The following PACS1 variants were observed in gnomAD, a reference collection of about 807,000 sequenced individuals.
PACS1 encodes the protein PACS-1.
In PACS1, 24 loss-of-function variants were observed where a neutral mutation model predicts 115.0. The ratio of observed to expected loss-of-function variants is 0.21; its 90% confidence interval spans 0.15 to 0.29. PACS1 has a LOEUF of 0.29. PACS1 is among the 10% of genes least tolerant of loss of function. The probability of loss-of-function intolerance (pLI) is 1.00; values close to 1 mark genes in which losing one functional copy is unlikely to be tolerated. For missense variants in PACS1, 838 were observed against 1,251.2 expected, an observed-to-expected ratio of 0.67 and a Z score of 4.98; for synonymous variants, 453 against 504.5, an observed-to-expected ratio of 0.90 and a Z score of 1.37.
In PACS1 at chr11:66,070,879, C is replaced by CG; in HGVS notation, c.356+41dup. The CG allele has an allele frequency of 7.1e-7, 1 of 1,403,464 alleles. No individual in the cohort carries two copies. Among genetic ancestry groups the CG allele is most frequent in the Non-Finnish European group, 9.2e-7 (1 of 1,089,066 alleles). 86.9% of individuals were successfully genotyped at this position (1,403,464 alleles called of 1,614,324 possible). ...AGGGTGCGGCGGGGCGCCGGGGGAGCGGGGTGGCCGCCGGGGCCCAGCCCT... is the reference window on the plus strand; with the variant it reads ...AGGGTGCGGCGGGGCGCCGGGGGAGCGGGGGTGGCCGCCGGGGCCCAGCCCT... On this transcript the variant is annotated intron_variant, in intron 1 of 23. Transcript: ENST00000320580. This position sits in a 1 kb window ranked among gnomAD's most constrained non-coding sequence, Gnocchi z 5.9.
chr11:66,130,006 T>C (rs894189745), intron 1 of PACS1, among the ~76,000 whole-genome samples: 4 of 152,238 alleles, frequency 2.6e-5, no homozygotes, highest in African/African-American at 9.7e-5. Flanking sequence ...AATTTTGATT[T>C]ATTTTCCATC....
At chr11:66,139,253 G>C (rs1409912715) in intron 1 of PACS1, among the ~76,000 whole-genome samples, 1 of 152,108 alleles carries the variant, frequency 6.6e-6, no homozygotes, top group Non-Finnish European at 1.5e-5. Context: ...CATTTGTTTT[G>C]ATACAGGCAG....
At chr11:66,178,679 A>G (rs1462579164) in intron 1 of PACS1, among the ~76,000 whole-genome samples, 2 of 152,176 alleles carry the variant, frequency 1.3e-5, no homozygotes, top group Non-Finnish European at 2.9e-5. Flanking sequence ...CTGTTTTAAA[A>G]CAAAAAAACA....
intron 1 of PACS1, among the ~76,000 whole-genome samples, chr11:66,186,100 C>T (rs1188964833): frequency 6.6e-6 from 1 of 151,926 alleles, no homozygotes. Context: ...GACCCCATCG[C>T]TGCAAAAAAA....
chr11:66,207,312 C>A (rs1362208447), intron 2 of PACS1, among the ~76,000 whole-genome samples: 1 of 152,052 alleles, frequency 6.6e-6, no homozygotes, highest in East Asian at 1.9e-4. Flanking sequence ...ACTAAAAATA[C>A]AAAAATTAGC....
At chr11:66,076,203 C>G (rs1166617929) in intron 1 of PACS1, among the ~76,000 whole-genome samples, 2 of 152,168 alleles carry the variant, frequency 1.3e-5, no homozygotes, top group African/African-American at 4.8e-5. Flanking sequence ...GTCCATTTTA[C>G]ATGTATTGAT....
intron 1 of PACS1, among the ~76,000 whole-genome samples, chr11:66,190,818 G>A (rs910279074): frequency 1.3e-5 from 2 of 152,158 alleles, no homozygotes; most frequent in African/African-American, 4.8e-5. Context: ...GGGGGATTTT[G>A]GAGGAAACAG....
chr11:66,241,215 C>T (rs765725821), intron 21 of PACS1: 12 of 532,346 alleles, frequency 2.3e-5, no homozygotes, highest in East Asian at 1.2e-4. Context: ...GTTTCCTTTT[C>T]GTGACTTGGG....
intron 1 of PACS1, among the ~76,000 whole-genome samples, chr11:66,128,113 A>T (rs1036765026): frequency 6.6e-6 from 1 of 152,208 alleles, no homozygotes; most frequent in African/African-American, 2.4e-5. Flanking sequence ...ATAAAAAGAG[A>T]TTGAAGAGAT....
chr11:66,241,336 C>G (rs1222037656), intron 21 of PACS1, 91 bp from the exon 22 acceptor site: 22 of 955,134 alleles, frequency 2.3e-5, no homozygotes, highest in Non-Finnish European at 3.5e-5. Context: ...GCCTGCCCTC[C>G]CGGGGACTGG....
In PACS1 at chr11:66,193,745, G is replaced by C. The variant is rs1004146638; in HGVS notation, c.444+172G>C. Reference sequence around the variant, plus strand: ...CACAGGACCTTCTGAGCCCAGCTCTGCCTCTTGGTTAGGGCACTCAGTTTC... The same window carrying C: ...CACAGGACCTTCTGAGCCCAGCTCTCCCTCTTGGTTAGGGCACTCAGTTTC... On this transcript the variant is annotated intron_variant, in intron 2 of 23. Coordinates refer to ENST00000320580, the MANE Select transcript of PACS1 (RefSeq NM_018026.4). Among the ~76,000 whole-genome samples the C allele has an allele frequency of 2.0e-5, 3 of 152,210 alleles. No individual in the cohort carries two copies. The South Asian group carries it at 6.2e-4, about 31-fold the overall frequency.
chr11:66,088,471 C>T (rs879878959), intron 1 of PACS1, among the ~76,000 whole-genome samples: 2 of 152,154 alleles, frequency 1.3e-5, no homozygotes, highest in African/African-American at 2.4e-5. Context: ...TCCCCTGATA[C>T]GGATACTCAA....
At chr11:66,237,038 C>T (rs1855719143) in intron 19 of PACS1, among the ~76,000 whole-genome samples, 1 of 152,208 alleles carries the variant, frequency 6.6e-6, no homozygotes, top group South Asian at 2.1e-4. Flanking sequence ...CCTGCCTCAG[C>T]CTCCCGAGTA....
chr11:66,095,598 C>T (rs1857762124), intron 1 of PACS1, among the ~76,000 whole-genome samples: 1 of 152,286 alleles, frequency 6.6e-6, no homozygotes, highest in African/African-American at 2.4e-5. Flanking sequence ...GCAGGGGTTA[C>T]AGGCACATGC....
At chr11:66,101,193 T>A (rs530132541) in intron 1 of PACS1, among the ~76,000 whole-genome samples, 34 of 152,332 alleles carry the variant, frequency 2.2e-4, no homozygotes, top group Admixed American at 7.8e-4. Flanking sequence ...TCATTTTTTT[T>A]AAAAGTTTTA....
At chr11:66,156,088 G>C (rs1051428652) in intron 1 of PACS1, among the ~76,000 whole-genome samples, 13 of 151,464 alleles carry the variant, frequency 8.6e-5, no homozygotes, top group African/African-American at 2.9e-4. Context: ...AACTTTCAAG[G>C]GTGATGGAAA....
rs368850312 is a variant in PACS1 at position 66,098,567 on chromosome 11, C to G, written c.356+27725C>G. Among the ~76,000 whole-genome samples the G allele has an allele frequency of 9.1e-4, 138 of 152,334 alleles. No homozygotes were observed. In the South Asian group the frequency reaches 0.028, roughly 30 times the overall value. ...TAAGGGCACTCCCAAATAACCACTA[C>G]ATACTCCTTTAAGTCAGACAATTTG... On this transcript the variant is annotated intron_variant, in intron 1 of 23. Coordinates refer to ENST00000320580, the MANE Select transcript of PACS1 (RefSeq NM_018026.4).
chr11:66,234,019 G>A (rs1355914700), intron 16 of PACS1, 80 bp downstream of exon 16: 6 of 1,573,214 alleles, frequency 3.8e-6, no homozygotes, highest in Non-Finnish European at 5.2e-6. Context: ...GGACGGTGGG[G>A]TTGGGGCCTA....
rs2134674046 is a variant in PACS1 at position 66,193,553 on chromosome 11, G to A, written c.424G>A (p.Val142Ile). The change falls in exon 2 of 24, where the codon GTC becomes ATC. Residue 142 changes from valine (V) to isoleucine (I), a missense_variant. Around this residue, in one of 6 missense-constraint regions of PACS1, gnomAD observed 223 missense variants for 354.0 expected, o/e 0.63. Coordinates refer to ENST00000320580, the MANE Select transcript of PACS1 (RefSeq NM_018026.4). ...AATGGACAAAGATCTTAACTCAGTG[G>A]TCATCGCTGTGAAGCTGCAGGTGAG... ...KEMDKDLNSV[V>I]IAVKLQGSKR... The A allele has an allele frequency of 6.2e-7, 1 of 1,613,576 alleles. No homozygotes were observed. The highest frequency in any genetic ancestry group is 1.1e-5 in the South Asian group (1 of 91,054).
Sources: gnomAD v4.1 joint callset for allele counts (sites outside exome capture counted in the v4.1 genomes callset) on GRCh38, gnomAD v4.1.1 for gene constraint, gnomAD v4.1.1 regional missense constraint, Gnocchi (gnomAD v3.1) non-coding constraint, MANE v1.5 for transcripts, NCBI Gene and HGNC (gene_info 2026-07-23, HGNC 2026-07-21) for gene names.